GBE1: variants seen among roughly 807,000 people sequenced by gnomAD.
The protein encoded by GBE1 is 1,4-alpha-glucan-branching enzyme.
Under a neutral mutation model 88.8 loss-of-function variants are expected in GBE1, and 70 were observed. The ratio of observed to expected loss-of-function variants is 0.79; its 90% confidence interval spans 0.65 to 0.96. The LOEUF (loss-of-function observed/expected upper bound fraction) is 0.96, where lower values mean the gene tolerates loss of function less well. Among genes scored for constraint, GBE1 ranks in the 40% least tolerant of loss-of-function variants. The pLI is 0.00. For missense variants in GBE1, 872 were observed against 871.0 expected (o/e 1.00, Z -0.01); for synonymous variants, 284 against 300.1 (o/e 0.95, Z 0.56).
At chr3:81,537,181 GT>G (rs1703089500) in intron 12 of GBE1, 86 bp from the exon 13 acceptor site, 2 of 917,268 alleles carry the variant, frequency 2.2e-6, no homozygotes, top group Non-Finnish European at 3.0e-6. Flanking sequence ...TGTTTTTAAT[GT>G]TTTTTAAATT....
At chr3:81,617,165 G>A (rs1704260026) in intron 7 of GBE1, among the ~76,000 whole-genome samples, 1 of 151,716 alleles carries the variant, frequency 6.6e-6, no homozygotes, top group African/African-American at 2.4e-5. Context: ...CAACCACAAA[G>A]AGAAAGGAAA....
At chr3:81,687,000 T>G (rs1390731388) in intron 2 of GBE1, among the ~76,000 whole-genome samples, 1 of 152,194 alleles carries the variant, frequency 6.6e-6, no homozygotes, top group African/African-American at 2.4e-5. Context: ...TATTAATACA[T>G]ATTCATTTAT....
At chr3:81,589,670 T>C (rs1297802313) in intron 9 of GBE1, among the ~76,000 whole-genome samples, 1 of 152,086 alleles carries the variant, frequency 6.6e-6, no homozygotes, top group African/African-American at 2.4e-5. Context: ...TTAACTTTCA[T>C]GTATTAAATC....
At position 81,727,142 on chromosome 3, in the gene GBE1, A is replaced by T. The variant is rs79472860; in HGVS notation, c.144-21529T>A. 4.1e-3 allele frequency among the ~76,000 whole-genome samples: 617 copies of T among 152,342 alleles called. 9 individuals are homozygous for T. Among genetic ancestry groups the T allele is most frequent in the Middle Eastern group, 0.014 (4 of 294 alleles). On this transcript the variant is annotated intron_variant, in intron 1 of 15. Coordinates refer to ENST00000429644, the MANE Select transcript of GBE1 (RefSeq NM_000158.4). The stretch of plus-strand genomic sequence containing the variant: ...TGTCCAGGATACTTGATATTCCTTC[A>T]TAAAAATATGAAAATGCAAACATGC...
intron 10 of GBE1, among the ~76,000 whole-genome samples, chr3:81,583,707 T>A (rs1235982773): frequency 1.3e-5 from 2 of 152,098 alleles, no homozygotes; most frequent in Non-Finnish European, 2.9e-5. Context: ...ATTATAGGAA[T>A]GGAGATCTCA....
At chr3:81,537,694 G>A (rs773451749) in intron 12 of GBE1, among the ~76,000 whole-genome samples, 70 of 151,818 alleles carry the variant, frequency 4.6e-4, no homozygotes, top group Non-Finnish European at 6.5e-4. Flanking sequence ...TAAACTTCAG[G>A]TGCTAAGGAA....
intron 12 of GBE1, among the ~76,000 whole-genome samples, chr3:81,558,424 T>C (rs1039060614): frequency 6.6e-6 from 1 of 152,022 alleles, no homozygotes; most frequent in Non-Finnish European, 1.5e-5. Context: ...TCTATCTATC[T>C]CATCAAGTTG....
chr3:81,552,533 A>G (rs1337855979), intron 12 of GBE1, among the ~76,000 whole-genome samples: 2 of 150,544 alleles, frequency 1.3e-5, no homozygotes, highest in South Asian at 2.1e-4. Context: ...AAAAAAAAAA[A>G]AAAAAAAAAA....
chr3:81,577,889 A>C, intron 12 of GBE1, 36 bp downstream of exon 12: 1 of 1,521,002 alleles, frequency 6.6e-7, no homozygotes, highest in Non-Finnish European at 8.8e-7. Flanking sequence ...TTAACATTTT[A>C]AACACAAATT....
chr3:81,614,488 A>G (rs911445297), intron 7 of GBE1, among the ~76,000 whole-genome samples: 2 of 151,894 alleles, frequency 1.3e-5, no homozygotes, highest in African/African-American at 4.8e-5. Flanking sequence ...TGCAATCCCA[A>G]CTCTGTGGGA....
In GBE1 at chr3:81,549,163, G is replaced by T. The variant is rs770519454; in HGVS notation, c.1619-12068C>A. Among the ~76,000 whole-genome samples the T allele has an allele frequency of 5.8e-4, 87 of 150,376 alleles. 5 individuals carry two copies. Among genetic ancestry groups the T allele is most frequent in the Non-Finnish European group, 8.9e-5 (6 of 67,222 alleles). On this transcript the variant is annotated intron_variant, in intron 12 of 15. Transcript: ENST00000429644. ...TCCTGCCTCAGCCTCCTGAGTAGCT[G>T]GGATTACAGGTGTCCACCACCATGC...
intron 12 of GBE1, among the ~76,000 whole-genome samples, chr3:81,545,225 T>TA (rs1703191133): frequency 7.0e-6 from 1 of 141,968 alleles, no homozygotes; most frequent in African/African-American, 2.5e-5. Context: ...TGATTTTTCT[T>TA]TAAAAAAAAA....
chr3:81,522,222 A>G (rs1330179156), intron 14 of GBE1, among the ~76,000 whole-genome samples: 1 of 151,628 alleles, frequency 6.6e-6, no homozygotes, highest in Non-Finnish European at 1.5e-5. Context: ...TAGCTGGCAC[A>G]TAGAACAGGT....
intron 1 of GBE1, among the ~76,000 whole-genome samples, chr3:81,705,883 AT>A (rs919975474): frequency 6.6e-6 from 1 of 152,210 alleles, no homozygotes; most frequent in Middle Eastern, 3.4e-3. Context: ...TATTTCATGA[AT>A]TTTTTTAAAA....
intron 9 of GBE1, among the ~76,000 whole-genome samples, chr3:81,589,806 T>G (rs1297635598): frequency 1.3e-5 from 2 of 152,054 alleles, no homozygotes; most frequent in African/African-American, 4.8e-5. Context: ...AATTAATTTT[T>G]TGATGTTTGA....
chr3:81,623,912 C>T (rs1243026040), intron 7 of GBE1, among the ~76,000 whole-genome samples: 1 of 152,192 alleles, frequency 6.6e-6, no homozygotes, highest in Non-Finnish European at 1.5e-5. Context: ...CTCAAGCATT[C>T]TTCCTGTCTT....
chr3:81,675,176 C>T (rs9868223), intron 2 of GBE1, among the ~76,000 whole-genome samples: 19,019 of 151,876 alleles, frequency 0.13, 1,341 homozygotes, highest in Non-Finnish European at 0.17. Flanking sequence ...GATGTGTTTG[C>T]GTGTTCTCTA....
intron 7 of GBE1, among the ~76,000 whole-genome samples, chr3:81,614,669 C>T (rs1378381959): frequency 1.3e-5 from 2 of 152,046 alleles, no homozygotes; most frequent in Non-Finnish European, 2.9e-5. Flanking sequence ...ACCAGCCTGG[C>T]CAACATGGTG....
intron 15 of GBE1, among the ~76,000 whole-genome samples, chr3:81,492,764 A>G (rs1444028786): frequency 7.8e-6 from 1 of 128,684 alleles, no homozygotes; most frequent in Non-Finnish European, 1.6e-5. Flanking sequence ...TTTTACATGG[A>G]GTCTTGCTAT....
Sources: gnomAD v4.1 joint callset for allele counts (sites outside exome capture counted in the v4.1 genomes callset) on GRCh38, gnomAD v4.1.1 for gene constraint, MANE v1.5 for transcripts, NCBI Gene and HGNC (gene_info 2026-07-23, HGNC 2026-07-21) for gene names.